ZFAT: variants seen among roughly 807,000 people sequenced by gnomAD.
ZFAT encodes zinc finger protein ZFAT.
A neutral mutation model predicts 117.7 loss-of-function variants in ZFAT; 64 were observed. That is an observed-to-expected ratio of 0.54 (90% CI 0.44 to 0.67). The LOEUF is 0.67. Among genes scored for constraint, ZFAT ranks in the 30% least tolerant of loss-of-function variants. ZFAT has a pLI of 0.00. For missense variants in ZFAT, 1,433 were observed against 1,584.5 expected, an observed-to-expected ratio of 0.90 and a Z score of 1.62; for synonymous variants, 679 against 615.0, an observed-to-expected ratio of 1.10 and a Z score of -1.54.
the ZFAT span, chr8:134,804,903 T>G: frequency 9.4e-6 from 5 of 534,428 alleles, no homozygotes; most frequent in Admixed American, 1.9e-5. Flanking sequence ...ACTGAAAGCT[T>G]AGCTGTGTCT....
the ZFAT span, among the ~76,000 whole-genome samples, chr8:134,799,739 T>G: frequency 6.6e-6 from 1 of 152,156 alleles, no homozygotes. Flanking sequence ...TGCCACTATA[T>G]TACAACAATA....
chr8:134,818,085 A>G, the ZFAT span, among the ~76,000 whole-genome samples: 1 of 152,194 alleles, frequency 6.6e-6, no homozygotes, highest in Non-Finnish European at 1.5e-5. Context: ...GAATTACGCA[A>G]AAAAAACATT....
the ZFAT span, among the ~76,000 whole-genome samples, chr8:134,801,020 C>T: frequency 2.5e-4 from 38 of 152,258 alleles, no homozygotes; most frequent in Non-Finnish European, 4.6e-4. Context: ...TATATCCTTC[C>T]CTTCAAAACA....
chr8:134,643,360 C>A (rs1242951483), intron 2 of ZFAT, among the ~76,000 whole-genome samples: 1 of 152,210 alleles, frequency 6.6e-6, no homozygotes, highest in Non-Finnish European at 1.5e-5. Flanking sequence ...GACCTCTTCA[C>A]TAAGTTCTGC....
chr8:134,613,026 C>T (rs947120536), intron 3 of ZFAT, among the ~76,000 whole-genome samples: 4 of 152,204 alleles, frequency 2.6e-5, no homozygotes, highest in Non-Finnish European at 4.4e-5. Flanking sequence ...TTGTGGCCTA[C>T]ATACTGGGTG....
chr8:134,559,126 GA>G (rs1823869537), intron 11 of ZFAT, among the ~76,000 whole-genome samples: 1 of 152,010 alleles, frequency 6.6e-6, no homozygotes, highest in South Asian at 2.1e-4. Flanking sequence ...TTAAATTATT[GA>G]ATAGGTAAAG....
chr8:134,592,348 T>A (rs1826571673), intron 7 of ZFAT, among the ~76,000 whole-genome samples: 1 of 152,216 alleles, frequency 6.6e-6, no homozygotes, highest in Non-Finnish European at 1.5e-5. Flanking sequence ...TTTAGAAACT[T>A]GCCCAAGGTT....
chr8:134,767,491 T>G, the ZFAT span, among the ~76,000 whole-genome samples: 6 of 152,184 alleles, frequency 3.9e-5, no homozygotes, highest in Non-Finnish European at 8.8e-5. Context: ...ATAACTTAAT[T>G]CCATCATTTT....
chr8:134,547,210 C>G (rs1052607622), intron 11 of ZFAT, among the ~76,000 whole-genome samples: 1 of 152,214 alleles, frequency 6.6e-6, no homozygotes. Context: ...GTTCACGGCC[C>G]GGTCTCCTTG....
At chr8:134,759,419 GA>G in the ZFAT span, among the ~76,000 whole-genome samples, 1 of 152,184 alleles carries the variant, frequency 6.6e-6, no homozygotes, top group Non-Finnish European at 1.5e-5. Context: ...TTCCACCACT[GA>G]AAGGCCTGGA....
chr8:134,788,429 C>G, the ZFAT span, among the ~76,000 whole-genome samples: 10 of 152,030 alleles, frequency 6.6e-5, no homozygotes, highest in African/African-American at 2.2e-4. Flanking sequence ...CTCTAATCAT[C>G]TTTTTTACTG....
rs188688148 is a variant in ZFAT at position 134,624,644 on chromosome 8, C to T, written c.448+12817G>A. Among the ~76,000 whole-genome samples, 519 of 152,150 alleles carry T rather than the reference C, an allele frequency of 3.4e-3. 4 individuals are homozygous for T. Among genetic ancestry groups the T allele is most frequent in the African/African-American group, 0.012 (497 of 41,482 alleles). ...TGCATTCCAGTTTGGGCAACAAGAGCAAAACTCTGTCTCAAAAAAATAGGA... is the reference window on the plus strand; with the variant it reads ...TGCATTCCAGTTTGGGCAACAAGAGTAAAACTCTGTCTCAAAAAAATAGGA... On this transcript the variant is annotated intron_variant, in intron 3 of 15. Coordinates refer to ENST00000377838, the MANE Select transcript of ZFAT (RefSeq NM_020863.4).
chr8:134,561,883 G>C (rs721001), intron 11 of ZFAT, among the ~76,000 whole-genome samples: 72,095 of 152,022 alleles, frequency 0.47, 17,341 homozygotes, highest in East Asian at 0.57. Context: ...GAAGAAAAGT[G>C]GGGGGGTATG....
At chr8:134,534,799 A>G (rs1205280936) in intron 11 of ZFAT, among the ~76,000 whole-genome samples, 2 of 75,574 alleles carry the variant, frequency 2.6e-5, no homozygotes, top group African/African-American at 1.1e-4. Context: ...GAGAGAGAGG[A>G]GGGAGGAAAG....
In ZFAT at chr8:134,602,591, C is replaced by A. The variant is rs749287442; in HGVS notation, c.1128G>T (p.Ala376=). ...VKNLIKHIRD[A]HDPQDKKVKE... ...TGACCTTCTTGTCCTGTGGGTCATG[C>A]GCGTCTCGGATGTGCTTGATGAGGT... is the stretch of plus-strand genomic sequence containing the variant. Residue 376 remains alanine (A), a synonymous_variant, in exon 6 of 16, where the codon GCG becomes GCT. Coordinates refer to ENST00000377838, the MANE Select transcript of ZFAT (RefSeq NM_020863.4). 1 of 1,614,116 alleles carries A rather than the reference C, an allele frequency of 6.2e-7. No individual in the cohort carries two copies. The highest frequency in any genetic ancestry group is 1.1e-5 in the South Asian group (1 of 91,080).
At chr8:134,777,249 A>G in the ZFAT span, among the ~76,000 whole-genome samples, 1 of 152,248 alleles carries the variant, frequency 6.6e-6, no homozygotes, top group Non-Finnish European at 1.5e-5. Flanking sequence ...AATAGAGATT[A>G]GTGAAGAGGG....
At chr8:134,605,608 T>C (rs1342713055) in intron 5 of ZFAT, among the ~76,000 whole-genome samples, 2 of 151,944 alleles carry the variant, frequency 1.3e-5, no homozygotes, top group African/African-American at 4.8e-5. Flanking sequence ...TCCTACTCCT[T>C]AATCCAGTTA....
intron 1 of ZFAT, among the ~76,000 whole-genome samples, chr8:134,675,488 C>A (rs1832752954): frequency 6.6e-6 from 1 of 152,092 alleles, no homozygotes; most frequent in Non-Finnish European, 1.5e-5. Flanking sequence ...ATTGGTATAC[C>A]TGAAAGTGAT....
chr8:134,773,177 C>T, the ZFAT span, among the ~76,000 whole-genome samples: 1 of 151,908 alleles, frequency 6.6e-6, no homozygotes, highest in Non-Finnish European at 1.5e-5. Context: ...ACTAATGCAG[C>T]TGGTGACTTT....
Sources: gnomAD v4.1 joint callset for allele counts (sites outside exome capture counted in the v4.1 genomes callset) on GRCh38, gnomAD v4.1.1 for gene constraint, MANE v1.5 for transcripts, NCBI Gene and HGNC (gene_info 2026-07-23, HGNC 2026-07-21) for gene names.